DENND1A: variants seen among roughly 807,000 people sequenced by gnomAD.
DENND1A encodes DENN domain containing 1A, also known as DENN domain-containing protein 1A.
A neutral mutation model predicts 113.7 loss-of-function variants in DENND1A; 51 were observed. That is an observed-to-expected ratio of 0.45 (90% confidence interval 0.36 to 0.57). The LOEUF (loss-of-function observed/expected upper bound fraction) is 0.57. Among genes scored for constraint, DENND1A ranks in the 20% least tolerant of loss-of-function variants. DENND1A has a pLI of 0.00. For synonymous variants in DENND1A, 565 were observed against 570.8 expected (o/e 0.99, Z 0.14); for missense variants, 1,258 against 1,395.9 (o/e 0.90, Z 1.57).
At chr9:123,557,175 G>A (rs935661745) in intron 13 of DENND1A, among the ~76,000 whole-genome samples, 1 of 152,178 alleles carries the variant, frequency 6.6e-6, no homozygotes, top group Non-Finnish European at 1.5e-5. Context: ...TGGCTTTTCC[G>A]GGCTAAGTTG....
intron 3 of DENND1A, among the ~76,000 whole-genome samples, chr9:123,786,936 C>G (rs1291637269): frequency 6.6e-6 from 1 of 151,396 alleles, no homozygotes; most frequent in African/African-American, 2.4e-5. Flanking sequence ...AAAAAAAAAA[C>G]AAGAAAGCTC....
intron 13 of DENND1A, among the ~76,000 whole-genome samples, chr9:123,544,922 C>G (rs1379228113): frequency 6.6e-6 from 1 of 152,072 alleles, no homozygotes; most frequent in Non-Finnish European, 1.5e-5. Flanking sequence ...CACGGTGAAA[C>G]CCCGTCTCTA....
At chr9:123,627,937 G>A (rs769539208) in intron 10 of DENND1A, among the ~76,000 whole-genome samples, 5 of 151,990 alleles carry the variant, frequency 3.3e-5, no homozygotes, top group Non-Finnish European at 5.9e-5. Flanking sequence ...TAGCACATAC[G>A]TTATTTTATT....
At chr9:123,648,232 A>G (rs2062445849) in intron 9 of DENND1A, among the ~76,000 whole-genome samples, 1 of 152,104 alleles carries the variant, frequency 6.6e-6, no homozygotes, top group South Asian at 2.1e-4. Flanking sequence ...GGCGCGTTCT[A>G]CCACGCTCAT....
chr9:123,903,391 G>GCC (rs977666636), intron 1 of DENND1A, among the ~76,000 whole-genome samples: 3 of 145,442 alleles, frequency 2.1e-5, no homozygotes, highest in Admixed American at 6.9e-5. Context: ...AACAGGAACA[G>GCC]CCCCGGTATA....
At chr9:123,801,892 A>C (rs1034626621) in intron 2 of DENND1A, among the ~76,000 whole-genome samples, 9 of 152,118 alleles carry the variant, frequency 5.9e-5, no homozygotes, top group Non-Finnish European at 4.4e-5. Flanking sequence ...TCTTCCCACT[A>C]TCCAAATCTT....
chr9:123,768,518 A>G (rs879028860), intron 4 of DENND1A, among the ~76,000 whole-genome samples: 2 of 152,142 alleles, frequency 1.3e-5, no homozygotes, highest in Admixed American at 1.3e-4. Context: ...ATAAGCACAA[A>G]TTTTATAGCT....
intron 2 of DENND1A, among the ~76,000 whole-genome samples, chr9:123,854,476 A>G (rs1843845932): frequency 6.6e-6 from 1 of 152,150 alleles, no homozygotes; most frequent in African/African-American, 2.4e-5. Context: ...TGGGTGGATC[A>G]CCTGAGGTCA....
chr9:123,468,890 C>A (rs184487936), intron 13 of DENND1A, among the ~76,000 whole-genome samples: 75 of 152,338 alleles, frequency 4.9e-4, no homozygotes, highest in African/African-American at 1.7e-3. Context: ...ACCAAATCCT[C>A]GCCAGAAGGG....
chr9:123,506,929 T>G (rs2134402977), intron 13 of DENND1A, among the ~76,000 whole-genome samples: 1 of 152,342 alleles, frequency 6.6e-6, no homozygotes, highest in Admixed American at 6.5e-5. Flanking sequence ...TTAACGCCTA[T>G]AATCACAGCA....
At chr9:123,567,581 A>T (rs2058124647) in intron 12 of DENND1A, among the ~76,000 whole-genome samples, 2 of 152,236 alleles carry the variant, frequency 1.3e-5, no homozygotes, top group Non-Finnish European at 2.9e-5. Flanking sequence ...AATCATAATT[A>T]AAAATGTTTA....
Position 123,450,689 on chromosome 9 carries a change from G to A in DENND1A, c.1356+4C>T. On this transcript the variant is annotated splice_donor_region_variant and intron_variant, in intron 18 of 23. Transcript: ENST00000394215. ...TATACATTTTGAATAAGAACTTCAA[G>A]TACCTTTTGCTTCAAGCGGTTTTTC... is the stretch of plus-strand genomic sequence containing the variant. The A allele has an allele frequency of 6.2e-7, 1 of 1,609,164 alleles. No individual in the cohort carries two copies. The highest frequency in any genetic ancestry group is 8.5e-7 in the Non-Finnish European group (1 of 1,178,540).
intron 18 of DENND1A, among the ~76,000 whole-genome samples, chr9:123,442,376 C>T (rs1388619768): frequency 6.6e-6 from 1 of 152,098 alleles, no homozygotes; most frequent in African/African-American, 2.4e-5. Flanking sequence ...AGAAACAGCT[C>T]TTTTGGAAAG....
chr9:123,414,339 C>A, intron 19 of DENND1A: 1 of 1,414,488 alleles, frequency 7.1e-7, no homozygotes, highest in Non-Finnish European at 9.2e-7. Context: ...GGTTTCCCTG[C>A]CTCCAGCCTC....
intron 15 of DENND1A, among the ~76,000 whole-genome samples, chr9:123,455,721 T>C (rs2048068044): frequency 6.6e-6 from 1 of 152,230 alleles, no homozygotes; most frequent in Admixed American, 6.5e-5. Flanking sequence ...ATGGATGTGC[T>C]GTTGGTAAAC....
chr9:123,588,477 G>A (rs983301035), intron 11 of DENND1A, among the ~76,000 whole-genome samples: 6 of 149,260 alleles, frequency 4.0e-5, no homozygotes, highest in South Asian at 2.1e-4. Flanking sequence ...AAAATTAGCC[G>A]GGTGTGGTGG....
rs184906098 is a variant in DENND1A, at chr9:123,573,430, A to G, written c.867+9739T>C. Among the ~76,000 whole-genome samples the G allele has an allele frequency of 1.1e-3, 161 of 152,236 alleles. 1 individual carries two copies. Among genetic ancestry groups the G allele is most frequent in the Middle Eastern group, 0.01 (3 of 294 alleles). ...AAAATATTGAGTCTTCCAATCCAAA[A>G]CATGGAATAGCTCTCCATTTATTTA... On this transcript the variant is annotated intron_variant, in intron 12 of 23. Coordinates refer to ENST00000394215, the MANE Select transcript of DENND1A (RefSeq NM_001352964.2).
intron 4 of DENND1A, chr9:123,759,417 G>A (rs1564212350): frequency 6.6e-6 from 1 of 152,200 alleles, no homozygotes; most frequent in African/African-American, 2.4e-5. Context: ...AAGTACTATT[G>A]TTGTTATTAT....
chr9:123,526,660 A>C (rs924147267), intron 13 of DENND1A, among the ~76,000 whole-genome samples: 4 of 152,200 alleles, frequency 2.6e-5, no homozygotes, highest in Admixed American at 6.5e-5. Flanking sequence ...TTATCTGATT[A>C]ACCTCTCTTT....
Sources: allele counts gnomAD v4.1 joint callset (sites outside exome capture counted in the v4.1 genomes callset), GRCh38; gene constraint gnomAD v4.1.1; transcripts MANE v1.5; gene names NCBI Gene and HGNC (gene_info 2026-07-23, HGNC 2026-07-21).